Variants in PHKA2 observed in about 807,000 individuals in gnomAD.
PHKA2 encodes the protein phosphorylase b kinase regulatory subunit alpha, liver isoform.
Under a neutral mutation model 102.0 loss-of-function variants are expected in PHKA2, and 31 were observed. The observed-to-expected ratio is 0.30, with a 90% CI of 0.23 to 0.41. The LOEUF (loss-of-function observed/expected upper bound fraction) is 0.41, where lower values mean the gene tolerates loss of function less well. PHKA2 is among the 10% of genes least tolerant of loss of function. The probability of loss-of-function intolerance (pLI) is 1.00; values close to 1 mark genes in which losing one functional copy is unlikely to be tolerated. For missense variants in PHKA2, 858 were observed against 1,023.1 expected, an observed-to-expected ratio of 0.84 and a Z score of 2.20; for synonymous variants, 455 against 416.2, an observed-to-expected ratio of 1.09 and a Z score of -1.13.
At chrX:18,965,115 C>A (rs770693130) in intron 1 of PHKA2, among the ~76,000 whole-genome samples, 2 of 112,181 alleles carry the variant, frequency 1.8e-5, no homozygotes, top group South Asian at 3.7e-4. Flanking sequence ...CAGATCCCCA[C>A]GCTCATCTTA....
intron 1 of PHKA2, among the ~76,000 whole-genome samples, chrX:18,979,327 C>T (rs111757050): frequency 7.2e-5 from 8 of 111,355 alleles, no homozygotes; most frequent in Admixed American, 3.8e-4. Flanking sequence ...TTTTAAATTC[C>T]GTGGCCATTA....
At chrX:18,926,735 G>A (rs920319034) in intron 13 of PHKA2, 148 bp from the exon 14 acceptor site, 17 of 573,489 alleles carry the variant, frequency 3.0e-5, no homozygotes, top group African/African-American at 1.3e-4. Context: ...GACAGTGTTC[G>A]TCCTGCTGCT....
intron 11 of PHKA2, among the ~76,000 whole-genome samples, chrX:18,933,308 C>T (rs1314050253): frequency 8.9e-6 from 1 of 112,353 alleles, no homozygotes; most frequent in Non-Finnish European, 1.9e-5. Context: ...CTCAAAGGTG[C>T]TATGCTTTTG....
At position 18,940,453 on chromosome X, in the gene PHKA2, G is replaced by A. The variant is rs182804947; in HGVS notation, c.865-405C>T. Among the ~76,000 whole-genome samples the A allele has an allele frequency of 4.5e-5, 5 of 111,953 alleles. No individual in the cohort carries two copies. In the East Asian group the frequency reaches 1.4e-3, roughly 32 times the overall value. ...TGCAAGGACATTCCCCAGGCTCCTG[G>A]AAGTTAGGCTTTGGCTGCAGAGGAG... On this transcript the variant is annotated intron_variant, in intron 8 of 32. Coordinates refer to ENST00000379942, the MANE Select transcript of PHKA2 (RefSeq NM_000292.3).
intron 20 of PHKA2, among the ~76,000 whole-genome samples, chrX:18,910,496 T>G (rs924742920): frequency 2.7e-5 from 3 of 111,385 alleles, no homozygotes; most frequent in African/African-American, 9.8e-5. Flanking sequence ...AAAAGGCCAT[T>G]AGGAACAAAG....
In PHKA2 at chrX:18,983,933, C is replaced by G. The variant is rs1017585101; in HGVS notation, c.-1G>C. On this transcript the variant is annotated 5_prime_UTR_variant, in exon 1 of 33. Transcript: ENST00000379942. Reference sequence around the variant, plus strand: ...CCCCGGAATTGCTCCTGCTCCGCATCTCCCCGAGGCTCCCAGGCCGCAGCG... The same window carrying G: ...CCCCGGAATTGCTCCTGCTCCGCATGTCCCCGAGGCTCCCAGGCCGCAGCG... 1.7e-6 allele frequency: 2 copies of G among 1,205,358 alleles called. No homozygotes were observed. Among genetic ancestry groups the G allele is most frequent in the Admixed American group, 4.3e-5 (2 of 46,169 alleles).
chrX:18,898,438 C>G lies in PHKA2; in HGVS notation c.3111+735G>C, dbSNP rs756111271. ...CGAGAAGGGATAACCTTCACTCTCA[C>G]ACATCTCTTTGCCTGGGACTATCTG... On this transcript the variant is annotated intron_variant, in intron 29 of 32. Transcript: ENST00000379942. Among the ~76,000 whole-genome samples, 3 of 113,272 alleles carry G rather than the reference C, an allele frequency of 2.6e-5. No homozygotes were observed. The East Asian group carries it at 8.4e-4, about 32-fold the overall frequency.
intron 17 of PHKA2, among the ~76,000 whole-genome samples, chrX:18,921,519 A>G (rs982989169): frequency 4.4e-5 from 5 of 112,577 alleles, no homozygotes; most frequent in African/African-American, 1.6e-4. Flanking sequence ...TAATTTTTAT[A>G]ACACTGTGTT....
rs139714263 is a variant in PHKA2 at position 18,897,912 on chromosome X, C to T, written c.3112-579G>A. ...AGTGGGAGAGCTTTGAGGGTGACAA[C>T]GGGCCCTCGGAGCAGGCATCCATGG... On this transcript the variant is annotated intron_variant, in intron 29 of 32. Transcript: ENST00000379942. The T allele has an allele frequency of 8.0e-3, 930 of 115,759 alleles. 7 individuals are homozygous for T. Among genetic ancestry groups the T allele is most frequent in the African/African-American group, 0.027 (841 of 31,208 alleles). 9.5% of individuals were successfully genotyped at this position (115,759 alleles called of 1,213,427 possible).
intron 10 of PHKA2, among the ~76,000 whole-genome samples, chrX:18,937,231 T>C (rs191106505): frequency 6.6e-4 from 73 of 110,287 alleles, no homozygotes; most frequent in Non-Finnish European, 1.2e-3. Context: ...GTCATTCATG[T>C]AACCTGCACA....
chrX:18,951,801 C>A (rs999411338), intron 3 of PHKA2, among the ~76,000 whole-genome samples: 3 of 110,768 alleles, frequency 2.7e-5, no homozygotes, highest in Non-Finnish European at 5.7e-5. Context: ...ACTGAAAATA[C>A]CACTAAACAA....
At position 18,897,257 on chromosome X, in the gene PHKA2, C is replaced by T. The variant is rs760201239; in HGVS notation, c.3188G>A (p.Arg1063Gln). The T allele has an allele frequency of 7.4e-6, 9 of 1,209,478 alleles. No homozygotes were observed. Among genetic ancestry groups the T allele is most frequent in the African/African-American group, 1.7e-5 (1 of 57,232 alleles). ...TCTCCTGCGCAGCCACTGGCCCTGC[C>T]GCTCACCCCAGCCGATGTGATGTCC... ...SGGHHIGWGE[R>Q]QGQWLRRRRL... The change falls in exon 30 of 33, where the codon CGG (arginine) becomes CAG (glutamine). Residue 1063 changes from arginine (R) to glutamine (Q), a missense_variant. Coordinates refer to ENST00000379942, the MANE Select transcript of PHKA2 (RefSeq NM_000292.3).
In PHKA2 at chrX:18,926,535, C is replaced by T. The variant is rs148314029; in HGVS notation, c.1377G>A (p.Gly459=). The change falls in exon 14 of 33, where the codon GGG becomes GGA. Residue 459 remains glycine, a synonymous_variant. Transcript: ENST00000379942. The part of the protein sequence containing the change: ...NHIKDLLRKH[G]VNVQSIADIH... Reference sequence around the variant, plus strand: ...TGTCCGCGATACTCTGGACGTTCACCCCGTGTTTCCTCAATAAGTCCTTAA... The same window carrying T: ...TGTCCGCGATACTCTGGACGTTCACTCCGTGTTTCCTCAATAAGTCCTTAA... The T allele has an allele frequency of 8.3e-6, 10 of 1,202,272 alleles. No individual in the cohort carries two copies. In the African/African-American group the frequency reaches 1.4e-4, roughly 17 times the overall value.
At chrX:18,963,711 T>C in intron 1 of PHKA2, among the ~76,000 whole-genome samples, 1 of 112,071 alleles carries the variant, frequency 8.9e-6, no homozygotes, top group Non-Finnish European at 1.9e-5. Context: ...ATTAAAGACA[T>C]GGAAGAGTGA....
chrX:18,924,709 C>T (rs770087933), intron 15 of PHKA2, among the ~76,000 whole-genome samples, 184 bp from the exon 16 acceptor site: 21 of 112,043 alleles, frequency 1.9e-4, no homozygotes, highest in Middle Eastern at 4.7e-3. Flanking sequence ...GCTGCCTGCC[C>T]GGGAGCTGTC....
chrX:18,908,490 C>T (rs957178935), intron 21 of PHKA2, among the ~76,000 whole-genome samples: 1 of 112,447 alleles, frequency 8.9e-6, no homozygotes, highest in Non-Finnish European at 1.9e-5. Context: ...ATGTTGAAAT[C>T]TTAACCCCCA....
intron 17 of PHKA2, among the ~76,000 whole-genome samples, chrX:18,922,433 G>A (rs779539504): frequency 7.2e-5 from 8 of 111,147 alleles, no homozygotes; most frequent in South Asian, 7.6e-4. Flanking sequence ...GGACAGTCTC[G>A]CGAGAAAGGC....
intron 1 of PHKA2, among the ~76,000 whole-genome samples, chrX:18,971,319 G>A (rs72616074): frequency 8.9e-6 from 1 of 112,130 alleles, no homozygotes; most frequent in Admixed American, 9.5e-5. Context: ...GATTGCTAGT[G>A]AAGTTGAGCC....
chrX:18,983,972 G>C lies in PHKA2; in HGVS notation c.-40C>G. On this transcript the variant is annotated 5_prime_UTR_variant, in exon 1 of 33. Transcript: ENST00000379942. ...CAGGCCGCAGCGCCCGATCTGCCGC[G>C]TGGGCGCGGGACGTCGGGGCTGTGG... The C allele has an allele frequency of 9.0e-7, 1 of 1,110,723 alleles. No individual in the cohort carries two copies. The highest frequency in any genetic ancestry group is 1.8e-5 in the South Asian group (1 of 54,728). 91.5% of individuals were successfully genotyped at this position (1,110,723 alleles called of 1,213,427 possible). A position where few individuals can be genotyped will look rare whatever the true frequency, so the allele number is the denominator to read the frequency against.
Sources: gnomAD v4.1 joint callset for allele counts (sites outside exome capture counted in the v4.1 genomes callset) on GRCh38, gnomAD v4.1.1 for gene constraint, MANE v1.5 for transcripts, NCBI Gene and HGNC (gene_info 2026-07-23, HGNC 2026-07-21) for gene names.